The following INSL6 variants were observed in gnomAD, a reference collection of about 807,000 sequenced individuals.
The protein encoded by INSL6 is insulin-like peptide INSL6.
In INSL6, 16 loss-of-function variants were observed where a neutral mutation model predicts 9.4. The observed-to-expected ratio is 1.70, with a 90% CI of 1.15 to 2.59. The LOEUF is 2.59. Among genes scored for constraint, INSL6 ranks in the 30% most tolerant of loss-of-function variants. The pLI, the probability that INSL6 is intolerant of heterozygous loss-of-function variation, is 0.00. For missense variants in INSL6, 391 were observed against 257.3 expected (o/e 1.52, Z -3.56); for synonymous variants, 154 against 96.9 (o/e 1.59, Z -3.46).
the INSL6 span, among the ~76,000 whole-genome samples, chr9:5,063,000 T>A: frequency 6.6e-6 from 1 of 152,194 alleles, no homozygotes; most frequent in African/African-American, 2.4e-5. Context: ...CCAAGTCTTT[T>A]AATTTTGTTT....
the INSL6 span, among the ~76,000 whole-genome samples, chr9:4,994,187 G>A: frequency 1.3e-5 from 2 of 152,182 alleles, no homozygotes; most frequent in Non-Finnish European, 2.9e-5. Flanking sequence ...TGATGTTTTT[G>A]TGGCCATAAA....
chr9:4,992,256 G>T, the INSL6 span, among the ~76,000 whole-genome samples: 1 of 152,162 alleles, frequency 6.6e-6, no homozygotes, highest in African/African-American at 2.4e-5. Context: ...TCACAATATG[G>T]TGGCTTCAGG....
At chr9:5,158,932 A>G (rs1824869195), downstream of INSL6, among the ~76,000 whole-genome samples, 1 of 152,182 alleles carries the variant, frequency 6.6e-6, no homozygotes, top group African/African-American at 2.4e-5. Context: ...AATGACTACA[A>G]GAACTTTTCA....
the INSL6 span, among the ~76,000 whole-genome samples, chr9:5,067,097 T>A: frequency 1.3e-5 from 2 of 152,168 alleles, no homozygotes; most frequent in African/African-American, 4.8e-5. Flanking sequence ...TTTCTTTGTT[T>A]GCAAAACTGG....
At chr9:5,093,740 A>G in the INSL6 span, among the ~76,000 whole-genome samples, 2 of 152,194 alleles carry the variant, frequency 1.3e-5, no homozygotes, top group Non-Finnish European at 2.9e-5. Flanking sequence ...TAGGGATAAC[A>G]GTGCAATCCT....
the INSL6 span, among the ~76,000 whole-genome samples, chr9:5,067,925 G>C: frequency 6.6e-6 from 1 of 152,086 alleles, no homozygotes; most frequent in African/African-American, 2.4e-5. Context: ...AGGCCAAGGC[G>C]GGTGGATCAC....
the INSL6 span, chr9:5,100,824 CT>C: frequency 6.6e-6 from 1 of 152,370 alleles, no homozygotes; most frequent in African/African-American, 2.4e-5. Flanking sequence ...GCTCAACATT[CT>C]TTACAGCCAC....
intron 3 of INSL6, among the ~76,000 whole-genome samples, chr9:5,125,307 C>A (rs1274023539): frequency 6.6e-6 from 1 of 150,916 alleles, no homozygotes; most frequent in Non-Finnish European, 1.5e-5. Flanking sequence ...AGTTTGCTCT[C>A]CTTCTGTTTC....
downstream of INSL6, chr9:5,122,943 G>A: frequency 1.0e-6 from 1 of 997,050 alleles, no homozygotes; most frequent in Non-Finnish European, 1.5e-6. Context: ...TGATTTGCAG[G>A]TAAAATCAAG....
chr9:5,072,646 T>C, the INSL6 span: 1 of 1,556,830 alleles, frequency 6.4e-7, no homozygotes, highest in Non-Finnish European at 8.7e-7. Context: ...TTCTTTATAT[T>C]GTTCATGTAG....
downstream of INSL6, among the ~76,000 whole-genome samples, chr9:5,119,204 G>A (rs904518640): frequency 3.9e-5 from 6 of 151,998 alleles, no homozygotes; most frequent in Admixed American, 3.3e-4. Flanking sequence ...TTAATTTCTG[G>A]CAGAAAAACT....
the INSL6 span, among the ~76,000 whole-genome samples, chr9:5,113,383 CG>C: frequency 7.2e-6 from 1 of 139,174 alleles, no homozygotes; most frequent in South Asian, 2.2e-4. Flanking sequence ...TGTGCCTAAG[CG>C]TAATTTTTTT....
chr9:5,037,427 A>G, the INSL6 span, among the ~76,000 whole-genome samples: 3 of 152,252 alleles, frequency 2.0e-5, no homozygotes, highest in Non-Finnish European at 2.9e-5. Flanking sequence ...TTGCGGCACT[A>G]TTCACAATAA....
At chr9:5,054,990 T>G in the INSL6 span, 1 of 783,226 alleles carries the variant, frequency 1.3e-6, no homozygotes, top group Non-Finnish European at 2.0e-6. This position sits in a 1 kb window ranked among gnomAD's most constrained non-coding sequence, Gnocchi z 4.9. Context: ...TTCTCCCATT[T>G]GATAGAAGTG....
At chr9:5,085,929 C>G in the INSL6 span, 20,881 of 1,088,782 alleles carry the variant, frequency 0.019, 294 homozygotes, top group Non-Finnish European at 0.024. Flanking sequence ...TTTCAAGTCT[C>G]TCCAACCGAG....
At chr9:5,143,037 T>C (rs1443145652) in intron 2 of INSL6, among the ~76,000 whole-genome samples, 1 of 152,216 alleles carries the variant, frequency 6.6e-6, no homozygotes, top group Non-Finnish European at 1.5e-5. Context: ...ATCCCAGGGA[T>C]AAAGCCTACT....
the INSL6 span, among the ~76,000 whole-genome samples, chr9:5,077,197 G>A: frequency 1.3e-5 from 2 of 149,938 alleles, no homozygotes; most frequent in African/African-American, 4.9e-5. Flanking sequence ...AAGGTGTGCT[G>A]GTATATTATA....
the INSL6 span, among the ~76,000 whole-genome samples, chr9:5,052,263 G>C: frequency 6.6e-6 from 1 of 152,068 alleles, no homozygotes; most frequent in Middle Eastern, 3.2e-3. Flanking sequence ...CTTCCAGTTT[G>C]AGAATCATGT....
At chr9:5,091,047 T>A in the INSL6 span, 1 of 631,486 alleles carries the variant, frequency 1.6e-6, no homozygotes, top group Non-Finnish European at 2.6e-6. Flanking sequence ...ACATTTAACT[T>A]TTTTTTTTTA....
Sources: allele counts gnomAD v4.1 joint callset (sites outside exome capture counted in the v4.1 genomes callset), GRCh38; gene constraint gnomAD v4.1.1; non-coding constraint Gnocchi (gnomAD v3.1); transcripts MANE v1.5; gene names NCBI Gene and HGNC (gene_info 2026-07-23, HGNC 2026-07-21).